MARK1: variants seen among roughly 807,000 people sequenced by gnomAD.
MARK1 encodes the protein microtubule affinity regulating kinase 1, also known as serine/threonine-protein kinase MARK1.
In MARK1, 40 loss-of-function variants were observed where a neutral mutation model predicts 96.3. The ratio of observed to expected loss-of-function variants is 0.42; its 90% CI spans 0.32 to 0.54. The LOEUF (loss-of-function observed/expected upper bound fraction) is 0.54. Among genes scored for constraint, MARK1 ranks in the 20% least tolerant of loss-of-function variants. The pLI is 0.16. For missense variants in MARK1, 719 were observed against 984.6 expected (o/e 0.73, Z 3.61); for synonymous variants, 317 against 341.2 (o/e 0.93, Z 0.78).
intron 13 of MARK1, among the ~76,000 whole-genome samples, chr1:220,641,520 C>G (rs1011591663): frequency 2.6e-5 from 4 of 152,000 alleles, no homozygotes; most frequent in Admixed American, 2.6e-4. Context: ...TATAAGCCAG[C>G]CAGTTTATGA....
Position 220,636,043 on chromosome 1 carries a change from G to A in MARK1, c.1470+17G>A. ...ATTCCAAGTGTGAGTAAATACTCTG[G>A]TATATTGCAATTTATTGTAATAACT... On this transcript the variant is annotated intron_variant, in intron 13 of 17. Transcript: ENST00000366917. The A allele has an allele frequency of 2.0e-6, 3 of 1,522,192 alleles. No homozygotes were observed. The South Asian group carries it at 3.9e-5, about 20-fold the overall frequency. 94.3% of individuals were successfully genotyped at this position (1,522,192 alleles called of 1,614,324 possible). A position where few individuals can be genotyped will look rare whatever the true frequency, so the allele number is the denominator to read the frequency against.
At chr1:220,656,857 G>A (rs1317042582) in intron 16 of MARK1, among the ~76,000 whole-genome samples, 7 of 152,006 alleles carry the variant, frequency 4.6e-5, no homozygotes, top group East Asian at 3.9e-4. Context: ...GGCATAAGGC[G>A]TTCATATTCT....
chr1:220,613,976 TTTTG>T (rs1311947826), intron 6 of MARK1, among the ~76,000 whole-genome samples: 4 of 152,058 alleles, frequency 2.6e-5, no homozygotes, highest in Non-Finnish European at 5.9e-5. Context: ...GTGGGGTTTA[TTTTG>T]TTTGTTTGGT....
rs775959643 is a variant in MARK1 at position 220,635,479 on chromosome 1, T to C, written c.1226T>C (p.Val409Ala). The change falls in exon 12 of 18, where the codon GTC becomes GCC. Residue 409 changes from valine (V) to alanine (A), a missense_variant. By Grantham distance (64) the Val-to-Ala change is moderately conservative (BLOSUM62 0). Around this residue, in one of 4 missense-constraint regions of MARK1, gnomAD observed 501 missense variants for 588.3 expected, o/e 0.85. Transcript: ENST00000366917. The part of the protein sequence containing the change: ...STLQSPAHLK[V>A]QRSISANQKQ... ...CTTCAGTCCCCTGCTCACCTGAAGG[T>C]CCAGAGAAGTATCTCAGCAAATCAG... 1 of 1,613,688 alleles carries C rather than the reference T, an allele frequency of 6.2e-7. No homozygotes were observed. Among genetic ancestry groups the C allele is most frequent in the South Asian group, 1.1e-5 (1 of 91,018 alleles).
intron 13 of MARK1, among the ~76,000 whole-genome samples, chr1:220,648,948 A>G (rs751689846): frequency 6.6e-6 from 1 of 152,208 alleles, no homozygotes; most frequent in African/African-American, 2.4e-5. Context: ...TAAAGTAGGA[A>G]ATAATTTAAG....
chr1:220,555,212 T>C (rs1357711000), intron 1 of MARK1, among the ~76,000 whole-genome samples: 1 of 152,212 alleles, frequency 6.6e-6, no homozygotes, highest in African/African-American at 2.4e-5. Flanking sequence ...TCTCTAGGAA[T>C]TACTACTTTG....
intron 1 of MARK1, among the ~76,000 whole-genome samples, chr1:220,544,796 G>A (rs1460493229): frequency 2.0e-5 from 3 of 152,164 alleles, no homozygotes; most frequent in East Asian, 1.9e-4. Context: ...ATGGTGACAG[G>A]TTTAACAAGA....
At chr1:220,624,628 A>G (rs1319710237) in intron 9 of MARK1, among the ~76,000 whole-genome samples, 2 of 152,110 alleles carry the variant, frequency 1.3e-5, no homozygotes, top group East Asian at 1.9e-4. Context: ...TTTAGATTTC[A>G]TAAGTAAATC....
intron 3 of MARK1, among the ~76,000 whole-genome samples, chr1:220,596,810 A>G (rs1458657757): frequency 6.6e-6 from 1 of 152,146 alleles, no homozygotes; most frequent in Non-Finnish European, 1.5e-5. Context: ...AATCTCCAGA[A>G]TGTTTTTCGT....
At chr1:220,644,348 A>G (rs903895642) in intron 13 of MARK1, among the ~76,000 whole-genome samples, 1 of 152,154 alleles carries the variant, frequency 6.6e-6, no homozygotes, top group African/African-American at 2.4e-5. Context: ...TAAAAGGTTC[A>G]ATTCAACATG....
chr1:220,558,173 A>AATG (rs1269748451), intron 1 of MARK1, among the ~76,000 whole-genome samples: 2 of 144,774 alleles, frequency 1.4e-5, no homozygotes, highest in Non-Finnish European at 3.0e-5. Flanking sequence ...TAATAATAAT[A>AATG]ATAATATGGG....
At chr1:220,542,720 A>T (rs1661230833) in intron 1 of MARK1, among the ~76,000 whole-genome samples, 1 of 151,698 alleles carries the variant, frequency 6.6e-6, no homozygotes. Context: ...ATGTTTGTTT[A>T]CTTGTTTTTG....
At chr1:220,608,973 C>G (rs1217500077) in intron 6 of MARK1, among the ~76,000 whole-genome samples, 1 of 152,098 alleles carries the variant, frequency 6.6e-6, no homozygotes, top group Non-Finnish European at 1.5e-5. Context: ...GCTTTACTTC[C>G]AAGTATGTGG....
At chr1:220,563,884 T>C (rs2102786367) in intron 1 of MARK1, among the ~76,000 whole-genome samples, 1 of 152,350 alleles carries the variant, frequency 6.6e-6, no homozygotes, top group East Asian at 1.9e-4. Flanking sequence ...ATATTTTTAA[T>C]TTGAACCCCC....
At chr1:220,606,526 T>A (rs1372456507) in intron 6 of MARK1, among the ~76,000 whole-genome samples, 1 of 152,268 alleles carries the variant, frequency 6.6e-6, no homozygotes, top group East Asian at 1.9e-4. Flanking sequence ...CTTTTTAGTT[T>A]AATTAGATCC....
intron 6 of MARK1, among the ~76,000 whole-genome samples, chr1:220,609,783 G>A (rs113031670): frequency 7.2e-5 from 11 of 152,300 alleles, no homozygotes; most frequent in African/African-American, 2.6e-4. Context: ...TTGCTTGTCT[G>A]TAAAGGATTT....
At chr1:220,558,327 G>A (rs193025082) in intron 1 of MARK1, among the ~76,000 whole-genome samples, 196 of 151,582 alleles carry the variant, frequency 1.3e-3, no homozygotes, top group African/African-American at 4.6e-3. Flanking sequence ...ATAGCAGCTT[G>A]CAGTAGGGAG....
chr1:220,591,219 C>T (rs1664960513), intron 3 of MARK1, among the ~76,000 whole-genome samples: 1 of 151,996 alleles, frequency 6.6e-6, no homozygotes, highest in Admixed American at 6.6e-5. Context: ...AAAAAAACAC[C>T]CCAATACTTT....
intron 17 of MARK1, 40 bp from the exon 18 acceptor site, chr1:220,661,772 A>G: frequency 7.0e-7 from 1 of 1,435,668 alleles, no homozygotes; most frequent in East Asian, 2.3e-5. Context: ...GCTGAGTGAA[A>G]TATTTGCTTT....
Sources: allele counts gnomAD v4.1 joint callset (sites outside exome capture counted in the v4.1 genomes callset), GRCh38; gene constraint gnomAD v4.1.1; regional missense constraint gnomAD v4.1.1; transcripts MANE v1.5; gene names NCBI Gene and HGNC (gene_info 2026-07-23, HGNC 2026-07-21).